The following MAP2K2 variants were observed in gnomAD, a reference collection of about 807,000 sequenced individuals.
The protein encoded by MAP2K2 is mitogen-activated protein kinase kinase 2, also known as dual specificity mitogen-activated protein kinase kinase 2.
A neutral mutation model predicts 43.7 loss-of-function variants in MAP2K2; 24 were observed. That is an observed-to-expected ratio of 0.55 (90% CI 0.40 to 0.77). The LOEUF is 0.77. MAP2K2 is among the 30% of genes least tolerant of loss of function. The probability of loss-of-function intolerance (pLI) is 0.00; values close to 1 mark genes in which losing one functional copy is unlikely to be tolerated. For missense variants in MAP2K2, 470 were observed against 566.8 expected (o/e 0.83, Z 1.73); for synonymous variants, 244 against 239.7 (o/e 1.02, Z -0.17).
Position 4,090,429 on chromosome 19 carries a change from G to A in MAP2K2, c.*169C>T, listed in dbSNP as rs2040843619. ...AGAGGCACCCCGGCCAGGACGGGCA[G>A]GAGAGGAGACCCCCGTTCCTGCATG... On this transcript the variant is annotated 3_prime_UTR_variant, in exon 11 of 11. Coordinates refer to ENST00000262948, the MANE Select transcript of MAP2K2 (RefSeq NM_030662.4). 4.5e-6 allele frequency: 3 copies of A among 667,286 alleles called. No individual in the cohort carries two copies. The highest frequency in any genetic ancestry group is 5.4e-6 in the Non-Finnish European group (2 of 369,180). The allele number at this position is 667,286 out of a possible 1,614,324, so 41.3% of individuals were successfully genotyped here.
chr19:4,103,262 A>T, intron 3 of MAP2K2: 8 of 985,356 alleles, frequency 8.1e-6, no homozygotes, highest in Non-Finnish European at 9.6e-6. Flanking sequence ...GTGGCCCCAC[A>T]TCCATGTCAT....
At chr19:4,093,270 A>T (rs1340011103) in intron 10 of MAP2K2, among the ~76,000 whole-genome samples, 1 of 152,164 alleles carries the variant, frequency 6.6e-6, no homozygotes. Context: ...TTGGTGGCAC[A>T]CATCGGTAGC....
At chr19:4,117,386 A>ACTCCCCGAC (rs1488105996) in intron 2 of MAP2K2, 33 bp downstream of exon 2, 1 of 1,568,854 alleles carries the variant, frequency 6.4e-7, no homozygotes, top group East Asian at 2.2e-5. Context: ...CTTCCCCACC[A>ACTCCCCGAC]CTCCCCGACC....
intron 1 of MAP2K2, 84 bp from the exon 2 acceptor site, chr19:4,117,713 C>T: frequency 8.4e-7 from 1 of 1,183,994 alleles, no homozygotes; most frequent in African/African-American, 1.5e-5. Flanking sequence ...TGCATCGGCC[C>T]CCAGGAGGAC....
intron 10 of MAP2K2, 66 bp from the exon 11 acceptor site, chr19:4,090,774 T>G: frequency 9.2e-7 from 1 of 1,084,276 alleles, no homozygotes; most frequent in Non-Finnish European, 1.4e-6. Flanking sequence ...AGGGCCAGCG[T>G]CTGCCCAGCC....
At position 4,102,258 on chromosome 19, in the gene MAP2K2, T is replaced by C. The variant is rs116475330; in HGVS notation, c.528+118A>G. ...TGGGCACAGCCTTGGCCACTCTCTT[T>C]CTGCAGGGGCCACCCTAACCCCCAC... On this transcript the variant is annotated intron_variant, in intron 4 of 10. Coordinates refer to ENST00000262948, the MANE Select transcript of MAP2K2 (RefSeq NM_030662.4). 5.4e-3 allele frequency: 4,776 copies of C among 883,828 alleles called. 160 individuals are homozygous for C. The African/African-American group carries it at 0.071, about 13-fold the overall frequency. The allele number at this position is 883,828 out of a possible 1,614,324, so 54.7% of individuals were successfully genotyped here.
chr19:4,102,742 GGCTCTGCTCCGGGCCA>G, intron 3 of MAP2K2: 1 of 1,300,934 alleles, frequency 7.7e-7, no homozygotes, highest in Non-Finnish European at 9.9e-7. Flanking sequence ...CCACGGCAGA[GGCTCTGCTCCGGGCCA>G]GCCCAAGCCG....
intron 1 of MAP2K2, among the ~76,000 whole-genome samples, chr19:4,119,646 A>G (rs1476324618): frequency 6.6e-6 from 1 of 152,216 alleles, no homozygotes. Context: ...TGAAATCTAC[A>G]ATGGCATTAT....
In MAP2K2 at chr19:4,102,389, T is replaced by C. The variant is rs1218364046; in HGVS notation, c.515A>G (p.Lys172Arg). 1.9e-6 allele frequency: 3 copies of C among 1,603,532 alleles called. No homozygotes were observed. Among genetic ancestry groups the C allele is most frequent in the Non-Finnish European group, 2.6e-6 (3 of 1,176,144 alleles). Residue 172 changes from lysine (K) to arginine (R), a missense_variant, in exon 4 of 11, where the codon AAA becomes AGA. Lys to Arg is a conservative substitution (Grantham distance 26). This residue lies in a region of MAP2K2 where 200 missense variants were observed against 297.9 expected (regional missense o/e 0.67). Coordinates refer to ENST00000262948, the MANE Select transcript of MAP2K2 (RefSeq NM_030662.4). ...AKRIPEEILG[K>R]VSIAVLRGLA... is the part of the protein sequence containing the mutation. ...CGGTGGACTCACCGCGATGCTGACT[T>C]TCCCCAGGATCTCCTCGGGAATCCT...
intron 1 of MAP2K2, among the ~76,000 whole-genome samples, chr19:4,118,098 C>T (rs759030411): frequency 5.3e-5 from 8 of 152,070 alleles, no homozygotes; most frequent in South Asian, 2.1e-4. Flanking sequence ...CCACCATGCC[C>T]GGCTAATTTT....
intron 9 of MAP2K2, 27 bp downstream of exon 9, chr19:4,095,361 G>C: frequency 6.5e-7 from 1 of 1,549,204 alleles, no homozygotes; most frequent in Non-Finnish European, 8.7e-7. Context: ...TCCCGGCCAG[G>C]GGTGTGGGCA....
At position 4,090,413 on chromosome 19, in the gene MAP2K2, C is replaced by A. The variant is rs942096768; in HGVS notation, c.*185G>T. On this transcript the variant is annotated 3_prime_UTR_variant, in exon 11 of 11. Coordinates refer to ENST00000262948, the MANE Select transcript of MAP2K2 (RefSeq NM_030662.4). ...AGCGTCGCCCGTCCCCAGAGGCACC[C>A]CGGCCAGGACGGGCAGGAGAGGAGA... 2.7e-5 allele frequency: 17 copies of A among 640,866 alleles called. No individual in the cohort carries two copies. The highest frequency in any genetic ancestry group is 2.1e-4 in the Admixed American group (9 of 43,332). The allele number at this position is 640,866 out of a possible 1,614,324, so 39.7% of individuals were successfully genotyped here.
At chr19:4,092,968 C>T (rs960169010) in intron 10 of MAP2K2, among the ~76,000 whole-genome samples, 3 of 151,982 alleles carry the variant, frequency 2.0e-5, no homozygotes, top group East Asian at 1.9e-4. Flanking sequence ...CAGCACTTTG[C>T]GAGGCTGAGG....
chr19:4,102,517 C>G (rs1234458345), intron 3 of MAP2K2, 64 bp from the exon 4 acceptor site: 2 of 1,242,744 alleles, frequency 1.6e-6, no homozygotes, highest in African/African-American at 1.5e-5. Context: ...ACGGATGCGT[C>G]CCCCCACTCC....
chr19:4,118,868 G>T (rs188653938), intron 1 of MAP2K2, among the ~76,000 whole-genome samples: 4 of 152,298 alleles, frequency 2.6e-5, no homozygotes, highest in Admixed American at 1.3e-4. Flanking sequence ...AGGAAATTTC[G>T]ACAGTAAGCT....
At chr19:4,121,920 G>A (rs1278660491) in intron 1 of MAP2K2, among the ~76,000 whole-genome samples, 1 of 119,174 alleles carries the variant, frequency 8.4e-6, no homozygotes, top group Non-Finnish European at 1.7e-5. Context: ...GACCCTTCTG[G>A]GAGCCCCCTG....
chr19:4,103,292 C>T, intron 3 of MAP2K2: 2 of 979,970 alleles, frequency 2.0e-6, no homozygotes, highest in Non-Finnish European at 2.4e-6. Context: ...AACAGAAATT[C>T]CATGTCTTGC....
intron 10 of MAP2K2, among the ~76,000 whole-genome samples, chr19:4,091,839 G>A (rs1003108314): frequency 1.3e-4 from 19 of 151,908 alleles, no homozygotes; most frequent in African/African-American, 1.7e-4. Context: ...AGTTGAGACC[G>A]GGTTTTTCCA....
At chr19:4,094,398 G>A in intron 10 of MAP2K2, 55 bp downstream of exon 10, 6 of 1,534,792 alleles carry the variant, frequency 3.9e-6, no homozygotes, top group Non-Finnish European at 5.3e-6. Context: ...TATTTCCTGG[G>A]GCCTGGGTGG....
Sources: gnomAD v4.1 joint callset for allele counts (sites outside exome capture counted in the v4.1 genomes callset) on GRCh38, gnomAD v4.1.1 for gene constraint, gnomAD v4.1.1 regional missense constraint, MANE v1.5 for transcripts, NCBI Gene and HGNC (gene_info 2026-07-23, HGNC 2026-07-21) for gene names.